The following FGF14 variants were observed in gnomAD, a reference collection of about 807,000 sequenced individuals.
FGF14 encodes the protein fibroblast growth factor 14.
Under a neutral mutation model 25.5 loss-of-function variants are expected in FGF14, and 5 were observed. The observed-to-expected ratio is 0.20, with a 90% confidence interval of 0.10 to 0.41. FGF14 has a LOEUF of 0.41. FGF14 is among the 10% of genes least tolerant of loss of function. The probability of loss-of-function intolerance (pLI) is 1.00; values close to 1 mark genes in which losing one functional copy is unlikely to be tolerated. For synonymous variants in FGF14, 138 were observed against 118.3 expected, an observed-to-expected ratio of 1.17 and a Z score of -1.08; for missense variants, 222 against 320.1, an observed-to-expected ratio of 0.69 and a Z score of 2.34.
intron 1 of FGF14, among the ~76,000 whole-genome samples, chr13:102,076,525 G>A (rs1261751059): frequency 6.6e-6 from 1 of 152,028 alleles, no homozygotes; most frequent in Non-Finnish European, 1.5e-5. Context: ...TATCCCCATT[G>A]TTAAGCAACA....
intron 1 of FGF14, among the ~76,000 whole-genome samples, chr13:102,401,218 A>C (rs1224558865): frequency 1.3e-5 from 2 of 152,106 alleles, no homozygotes; most frequent in Middle Eastern, 3.4e-3. Context: ...ATTAAAAAAA[A>C]AAAAAAAGTT....
At chr13:102,215,848 C>T (rs1436349044) in intron 1 of FGF14, among the ~76,000 whole-genome samples, 3 of 152,150 alleles carry the variant, frequency 2.0e-5, no homozygotes, top group Non-Finnish European at 4.4e-5. Flanking sequence ...TTTAGGCACA[C>T]GTTTCCTCTT....
At chr13:101,866,473 A>T (rs1341576411) in intron 3 of FGF14, among the ~76,000 whole-genome samples, 1 of 152,138 alleles carries the variant, frequency 6.6e-6, no homozygotes, top group Non-Finnish European at 1.5e-5. Context: ...TTATTTTAAT[A>T]ATATTTGCTT....
intron 1 of FGF14, among the ~76,000 whole-genome samples, chr13:102,065,170 T>C (rs971889940): frequency 1.3e-5 from 2 of 152,100 alleles, no homozygotes; most frequent in Non-Finnish European, 2.9e-5. Flanking sequence ...ATAGATTTCA[T>C]GTCAAGGAGA....
At chr13:101,981,649 ACAAC>A (rs1253446493) in intron 1 of FGF14, among the ~76,000 whole-genome samples, 4 of 151,606 alleles carry the variant, frequency 2.6e-5, no homozygotes, top group African/African-American at 7.3e-5. Flanking sequence ...TAATTAAAAA[ACAAC>A]AACAACAACA....
At chr13:101,809,543 G>T (rs1374859541) in intron 3 of FGF14, among the ~76,000 whole-genome samples, 1 of 152,114 alleles carries the variant, frequency 6.6e-6, no homozygotes, top group Non-Finnish European at 1.5e-5. Context: ...ATTACCAATT[G>T]AGAGGACACA....
At chr13:102,031,925 C>T (rs2041230980) in intron 1 of FGF14, among the ~76,000 whole-genome samples, 1 of 152,010 alleles carries the variant, frequency 6.6e-6, no homozygotes, top group African/African-American at 2.4e-5. Flanking sequence ...TTAAGAGTAA[C>T]AACAAAATTA....
chr13:101,874,535 G>A (rs2140476081), intron 2 of FGF14, among the ~76,000 whole-genome samples: 1 of 152,200 alleles, frequency 6.6e-6, no homozygotes, highest in Admixed American at 6.5e-5. Flanking sequence ...GTAAGGAGAG[G>A]CACCAGACGG....
chr13:102,151,796 C>G (rs2047099210), intron 1 of FGF14, among the ~76,000 whole-genome samples: 1 of 152,174 alleles, frequency 6.6e-6, no homozygotes, highest in African/African-American at 2.4e-5. Flanking sequence ...CCATACCCGA[C>G]CTCCATTTTT....
chr13:102,357,360 G>A lies in FGF14; in HGVS notation c.208+44111C>T, dbSNP rs919828931. On this transcript the variant is annotated intron_variant, in intron 1 of 4. Coordinates refer to the FGF14 transcript ENST00000376131. ...AGAGGTCTCCTCTGGGAGAGTGTGC[G>A]AGGGCACTGACAATATGTCTGTCAG... 9.2e-5 allele frequency among the ~76,000 whole-genome samples: 14 copies of A among 152,082 alleles called. No individual in the cohort carries two copies. In the East Asian group the frequency reaches 1.2e-3, roughly 13 times the overall value.
chr13:101,755,148 G>A (rs1045325966), intron 3 of FGF14, among the ~76,000 whole-genome samples: 1 of 152,138 alleles, frequency 6.6e-6, no homozygotes, highest in African/African-American at 2.4e-5. Flanking sequence ...TTACTTTTGA[G>A]TTTAGTTCAA....
At chr13:101,759,304 G>A (rs116311874) in intron 3 of FGF14, among the ~76,000 whole-genome samples, 2 of 152,228 alleles carry the variant, frequency 1.3e-5, no homozygotes, top group African/African-American at 4.8e-5. Context: ...ACATATATAT[G>A]TACATGTATT....
chr13:102,255,707 C>T (rs2141091156), intron 1 of FGF14, among the ~76,000 whole-genome samples: 1 of 152,292 alleles, frequency 6.6e-6, no homozygotes, highest in Non-Finnish European at 1.5e-5. Context: ...TGAAGAAAAA[C>T]AGCCTTTCTT....
intron 1 of FGF14, among the ~76,000 whole-genome samples, chr13:102,233,179 G>A (rs913239652): frequency 5.3e-5 from 8 of 152,074 alleles, no homozygotes; most frequent in Non-Finnish European, 1.5e-5. Context: ...TTGTTGCCCA[G>A]GCTAGAGTGC....
intron 1 of FGF14, among the ~76,000 whole-genome samples, chr13:102,101,199 G>C (rs915005771): frequency 6.6e-6 from 1 of 151,702 alleles, no homozygotes; most frequent in Non-Finnish European, 1.5e-5. Context: ...GCTTTTTCAT[G>C]ACCCTTTACT....
At chr13:102,216,757 C>T (rs1328352128) in intron 1 of FGF14, among the ~76,000 whole-genome samples, 1 of 145,694 alleles carries the variant, frequency 6.9e-6, no homozygotes. Flanking sequence ...ACTTATTCCT[C>T]CTATCTAACC....
chr13:101,872,903 T>C (rs2045185187), intron 2 of FGF14, among the ~76,000 whole-genome samples: 1 of 152,098 alleles, frequency 6.6e-6, no homozygotes, highest in Admixed American at 6.6e-5. Flanking sequence ...TTCTTCTGAT[T>C]TGCTTTTACA....
chr13:102,233,132 G>T (rs1027278043), intron 1 of FGF14, among the ~76,000 whole-genome samples: 4 of 151,928 alleles, frequency 2.6e-5, no homozygotes, highest in Admixed American at 2.0e-4. Context: ...TGCCATTTTT[G>T]TTGTTGTTGT....
intron 1 of FGF14, among the ~76,000 whole-genome samples, chr13:102,016,037 C>A (rs1250847371): frequency 1.3e-5 from 2 of 151,918 alleles, no homozygotes; most frequent in Non-Finnish European, 2.9e-5. Context: ...GGTATAATAT[C>A]CCTTCTCAAT....
Sources: allele counts gnomAD v4.1 joint callset (sites outside exome capture counted in the v4.1 genomes callset), GRCh38; gene constraint gnomAD v4.1.1; transcripts MANE v1.5; gene names NCBI Gene and HGNC (gene_info 2026-07-23, HGNC 2026-07-21).